CAMKMT: variants seen among roughly 807,000 people sequenced by gnomAD.
The protein encoded by CAMKMT is CaM KMT.
CAMKMT carries 53 observed loss-of-function variants against 48.0 expected under a neutral mutation model. The ratio of observed to expected loss-of-function variants is 1.10; its 90% confidence interval spans 0.89 to 1.39. The LOEUF (loss-of-function observed/expected upper bound fraction) is 1.39. CAMKMT is among the 40% of genes most tolerant of loss of function. The pLI, the probability that CAMKMT is intolerant of heterozygous loss-of-function variation, is 0.00. For missense variants in CAMKMT, 428 were observed against 402.7 expected, an observed-to-expected ratio of 1.06 and a Z score of -0.54; for synonymous variants, 165 against 152.3, an observed-to-expected ratio of 1.08 and a Z score of -0.61.
chr2:44,492,782 C>T (rs1411256764), intron 3 of CAMKMT, among the ~76,000 whole-genome samples: 3 of 152,072 alleles, frequency 2.0e-5, no homozygotes, highest in Non-Finnish European at 2.9e-5. Flanking sequence ...TAAAGGCTTT[C>T]TCCTAAGGCA....
intron 3 of CAMKMT, among the ~76,000 whole-genome samples, chr2:44,473,516 A>G (rs1013019227): frequency 6.6e-6 from 1 of 152,204 alleles, no homozygotes; most frequent in Non-Finnish European, 1.5e-5. Context: ...GCGTGGATTT[A>G]GAGATAAATT....
chr2:44,711,979 G>C (rs1467843209), intron 6 of CAMKMT, among the ~76,000 whole-genome samples: 2 of 152,022 alleles, frequency 1.3e-5, no homozygotes, highest in Admixed American at 6.6e-5. Context: ...AAAATGATTT[G>C]GTGAACGTCA....
intron 3 of CAMKMT, among the ~76,000 whole-genome samples, chr2:44,575,921 G>A (rs1277104920): frequency 1.3e-5 from 2 of 152,104 alleles, no homozygotes; most frequent in Admixed American, 1.3e-4. Flanking sequence ...TAGCCACTAG[G>A]CAGTCCCCTT....
intron 8 of CAMKMT, among the ~76,000 whole-genome samples, chr2:44,746,467 GAGAC>G (rs143122079): frequency 0.023 from 3,511 of 152,242 alleles, 110 homozygotes; most frequent in African/African-American, 0.08. Context: ...TTTCCCAGAA[GAGAC>G]AGTCTGTTAG....
intron 3 of CAMKMT, among the ~76,000 whole-genome samples, chr2:44,459,856 A>G (rs1200643246): frequency 6.6e-6 from 1 of 152,232 alleles, no homozygotes; most frequent in African/African-American, 2.4e-5. Flanking sequence ...GACTTGAGAT[A>G]AAATGAAAAT....
At chr2:44,636,475 C>T (rs1296025503) in intron 3 of CAMKMT, among the ~76,000 whole-genome samples, 2 of 152,144 alleles carry the variant, frequency 1.3e-5, no homozygotes, top group Non-Finnish European at 2.9e-5. Context: ...AACACTAAGG[C>T]GGTTACCAGT....
chr2:44,390,144 G>T (rs1054680178), intron 2 of CAMKMT, 97 bp from the exon 3 acceptor site: 1 of 806,806 alleles, frequency 1.2e-6, no homozygotes, highest in Admixed American at 2.5e-5. Flanking sequence ...ATTGCTATTG[G>T]GTATACCATA....
intron 3 of CAMKMT, among the ~76,000 whole-genome samples, chr2:44,615,412 A>G (rs1039194386): frequency 2.0e-5 from 3 of 152,208 alleles, no homozygotes; most frequent in African/African-American, 7.2e-5. Context: ...GGCCAGGGGA[A>G]TCAAGAAAAG....
At chr2:44,656,459 C>A (rs1026991407) in intron 3 of CAMKMT, among the ~76,000 whole-genome samples, 1 of 151,992 alleles carries the variant, frequency 6.6e-6, no homozygotes, top group African/African-American at 2.4e-5. Flanking sequence ...AACTCAGGTA[C>A]ATTACAGCTT....
intron 3 of CAMKMT, among the ~76,000 whole-genome samples, chr2:44,442,585 A>G (rs1067352): frequency 0.71 from 107,493 of 152,022 alleles, 38,116 homozygotes; most frequent in Admixed American, 0.77. Context: ...TTGCATTTCA[A>G]TATAATGTTA....
rs1248237913 is a variant in CAMKMT at position 44,390,247 on chromosome 2, T to C, written c.318T>C (p.Asn106=). 1 of 1,607,666 alleles carries C rather than the reference T, an allele frequency of 6.2e-7. No homozygotes were observed. Residue 106 remains asparagine (N), a synonymous_variant, in exon 3 of 11, where the codon AAT becomes AAC. Coordinates refer to ENST00000378494, the MANE Select transcript of CAMKMT (RefSeq NM_024766.5). ...CPEYSISLRH[N]SGSLNVEDVL... The stretch of plus-strand genomic sequence containing the variant: ...ACGCTTTACTCCTTTCTAGGCATAA[T>C]AGTGGATCCTTGAATGTTGAAGATG...
chr2:44,744,744 G>A (rs1287345381), intron 8 of CAMKMT, among the ~76,000 whole-genome samples: 1 of 151,796 alleles, frequency 6.6e-6, no homozygotes, highest in Non-Finnish European at 1.5e-5. Flanking sequence ...ATTTTCAATG[G>A]ATAACTTTTC....
chr2:44,647,379 T>C (rs377670047), intron 3 of CAMKMT, among the ~76,000 whole-genome samples: 7 of 152,344 alleles, frequency 4.6e-5, no homozygotes, highest in African/African-American at 1.7e-4. Flanking sequence ...CATTCTTTGC[T>C]GTCTGTGCAT....
chr2:44,673,520 A>G (rs941554652), intron 3 of CAMKMT, among the ~76,000 whole-genome samples: 35 of 88,072 alleles, frequency 4.0e-4, no homozygotes, highest in African/African-American at 1.3e-3. Flanking sequence ...GAAGGAAGGA[A>G]GGAGGGAAGG....
At chr2:44,583,253 A>C (rs563254213) in intron 3 of CAMKMT, among the ~76,000 whole-genome samples, 30 of 152,276 alleles carry the variant, frequency 2.0e-4, no homozygotes, top group African/African-American at 6.7e-4. Flanking sequence ...GCCATCAGAT[A>C]CAGTAATCAA....
chr2:44,669,210 T>A (rs920709328), intron 3 of CAMKMT, among the ~76,000 whole-genome samples: 1 of 152,254 alleles, frequency 6.6e-6, no homozygotes, highest in Non-Finnish European at 1.5e-5. Flanking sequence ...TATTCTTCTG[T>A]GAATTGCTTA....
chr2:44,549,186 C>T (rs146121779), intron 3 of CAMKMT, among the ~76,000 whole-genome samples: 315 of 152,178 alleles, frequency 2.1e-3, no homozygotes, highest in African/African-American at 7.4e-3. Flanking sequence ...ATTCATTTGC[C>T]AAAAGAGATG....
intron 3 of CAMKMT, among the ~76,000 whole-genome samples, chr2:44,562,067 G>A (rs942675269): frequency 6.6e-6 from 1 of 152,176 alleles, no homozygotes; most frequent in African/African-American, 2.4e-5. Context: ...AGAAGATCAA[G>A]CTGATGCTTG....
rs72881193 is a variant in CAMKMT at position 44,575,597 on chromosome 2, C to T, written c.377-128686C>T. Reference sequence around the variant, plus strand: ...CCCAGAAAATATTTGTTGCCAGGTGCATTGGCTCACGCCTGTAATCTCAGC... The same window carrying T: ...CCCAGAAAATATTTGTTGCCAGGTGTATTGGCTCACGCCTGTAATCTCAGC... On this transcript the variant is annotated intron_variant, in intron 3 of 10. Coordinates refer to ENST00000378494, the MANE Select transcript of CAMKMT (RefSeq NM_024766.5). 9.1e-3 allele frequency among the ~76,000 whole-genome samples: 1,386 copies of T among 152,222 alleles called. 14 individuals are homozygous for T. The highest frequency in any genetic ancestry group is 0.026 in the African/African-American group (1,083 of 41,544).
Sources: allele counts gnomAD v4.1 joint callset (sites outside exome capture counted in the v4.1 genomes callset), GRCh38; gene constraint gnomAD v4.1.1; transcripts MANE v1.5; gene names NCBI Gene and HGNC (gene_info 2026-07-23, HGNC 2026-07-21).